Variants in GRB10 observed in about 807,000 individuals in gnomAD.
GRB10 encodes growth factor receptor bound protein 10.
Under a neutral mutation model 80.9 loss-of-function variants are expected in GRB10, and 20 were observed. That is an observed-to-expected ratio of 0.25 (90% CI 0.17 to 0.36). The LOEUF is 0.36. Ranked by LOEUF, GRB10 falls within the 10% of genes least tolerant of loss-of-function variation. The pLI is 1.00. For synonymous variants in GRB10, 291 were observed against 291.5 expected, an observed-to-expected ratio of 1.00 and a Z score of 0.02; for missense variants, 548 against 747.7, an observed-to-expected ratio of 0.73 and a Z score of 3.12.
chr7:50,792,461 A>G (rs1269342343), intron 1 of GRB10: 2 of 398,378 alleles, frequency 5.0e-6, no homozygotes, highest in Non-Finnish European at 8.8e-6. Flanking sequence ...CATAACGCAC[A>G]TGCTCCAAGG....
At chr7:50,787,120 A>G (rs1336567638), upstream of GRB10, among the ~76,000 whole-genome samples, 1 of 152,244 alleles carries the variant, frequency 6.6e-6, no homozygotes, top group Non-Finnish European at 1.5e-5. Flanking sequence ...GACCATCCCA[A>G]CACTGCATAC....
intron 4 of GRB10, among the ~76,000 whole-genome samples, chr7:50,725,661 G>C (rs1245953135): frequency 1.3e-5 from 2 of 152,190 alleles, no homozygotes; most frequent in Non-Finnish European, 2.9e-5. Context: ...GAACTTTCAT[G>C]GGATGGAAAA....
At chr7:50,627,081 C>T in intron 7 of GRB10, 103 bp from the exon 8 acceptor site, 2 of 1,190,160 alleles carry the variant, frequency 1.7e-6, no homozygotes, top group South Asian at 1.2e-5. Flanking sequence ...AGTAGTGCTC[C>T]AACACATGGG....
chr7:50,606,461 G>T, intron 13 of GRB10, 47 bp from the exon 14 acceptor site: 2 of 1,422,146 alleles, frequency 1.4e-6, no homozygotes, highest in African/African-American at 1.4e-5. Context: ...GAGCCCCGAG[G>T]CCCGGCATGT....
intron 1 of GRB10, among the ~76,000 whole-genome samples, chr7:50,791,111 G>A (rs1390777529): frequency 6.6e-6 from 1 of 152,198 alleles, no homozygotes; most frequent in Non-Finnish European, 1.5e-5. Flanking sequence ...GTGGGCCAAC[G>A]CTGCCCCAAA....
intron 5 of GRB10, among the ~76,000 whole-genome samples, chr7:50,684,932 T>C (rs1325059534): frequency 2.6e-5 from 4 of 152,208 alleles, no homozygotes; most frequent in Admixed American, 6.5e-5. Flanking sequence ...GTTCTCATTT[T>C]CCATGAACCC....
intron 18 of GRB10, among the ~76,000 whole-genome samples, chr7:50,593,879 G>C (rs547002888): frequency 1.2e-3 from 179 of 152,274 alleles, no homozygotes; most frequent in African/African-American, 3.8e-3. Flanking sequence ...TTCACACACA[G>C]AGGCTGCACA....
At chr7:50,691,523 T>C (rs948521897) in intron 5 of GRB10, among the ~76,000 whole-genome samples, 3 of 152,238 alleles carry the variant, frequency 2.0e-5, no homozygotes, top group Admixed American at 1.3e-4. Context: ...AGGAACCTAC[T>C]ACTATAGCTG....
rs2045814017 is a variant in GRB10, at chr7:50,591,246, A to G, written c.*1706T>C. Reference sequence around the variant, plus strand: ...TGTATACCTTTCATGGAAAACAACTAGAGTGTGGTCTGTAGACTGACATAC... The same window carrying G: ...TGTATACCTTTCATGGAAAACAACTGGAGTGTGGTCTGTAGACTGACATAC... On this transcript the variant is annotated 3_prime_UTR_variant, in exon 19 of 19. Transcript: ENST00000401949. 6.6e-6 allele frequency: 1 copy of G among 152,270 alleles called. No individual in the cohort carries two copies. The highest frequency in any genetic ancestry group is 1.5e-5 in the Non-Finnish European group (1 of 68,044). The allele number at this position is 152,270 out of a possible 1,614,324, so 9.4% of individuals were successfully genotyped here.
At chr7:50,687,997 A>C (rs949037002) in intron 5 of GRB10, among the ~76,000 whole-genome samples, 1 of 152,262 alleles carries the variant, frequency 6.6e-6, no homozygotes, top group Admixed American at 6.5e-5. Flanking sequence ...AGAGTGGTTC[A>C]GATTGAGAAA....
intron 5 of GRB10, among the ~76,000 whole-genome samples, chr7:50,678,918 A>G (rs973233718): frequency 3.3e-5 from 5 of 152,258 alleles, no homozygotes; most frequent in African/African-American, 1.2e-4. Flanking sequence ...TGCTTCTCGC[A>G]GTGAATATTC....
chr7:50,610,860 T>C (rs2049380913), intron 13 of GRB10, among the ~76,000 whole-genome samples: 1 of 152,220 alleles, frequency 6.6e-6, no homozygotes, highest in South Asian at 2.1e-4. Context: ...TGGCTCGTTA[T>C]GTTAGCGCAA....
At chr7:50,653,919 A>G (rs999281687) in intron 7 of GRB10, among the ~76,000 whole-genome samples, 2 of 152,200 alleles carry the variant, frequency 1.3e-5, no homozygotes, top group African/African-American at 4.8e-5. Context: ...ACACTAATAT[A>G]AATCCAGCTA....
In GRB10 at chr7:50,606,408, T is replaced by G; in HGVS notation, c.1201A>C (p.Met401Leu). The change falls in exon 14 of 19, where the codon ATG (methionine) becomes CTG (leucine). Residue 401 changes from methionine (M) to leucine (L), a missense_variant. Coordinates refer to ENST00000401949, the MANE Select transcript of GRB10 (RefSeq NM_001350814.2). ...MTAFRLLKYG[M>L]LLYQNYRIPQ... The stretch of plus-strand genomic sequence containing the variant: ...ATTCGGTAATTCTGGTAAAGGAGCA[T>G]TCCATACTGGAGAGGAGAAGCCACA... 6.2e-7 allele frequency: 1 copy of G among 1,613,742 alleles called. No homozygotes were observed. The highest frequency in any genetic ancestry group is 8.5e-7 in the Non-Finnish European group (1 of 1,179,648).
intron 7 of GRB10, among the ~76,000 whole-genome samples, chr7:50,660,676 G>A (rs1180161536): frequency 2.0e-5 from 3 of 152,328 alleles, no homozygotes; most frequent in East Asian, 3.9e-4. Context: ...GAGCCACGCA[G>A]TAGCAGAAGG....
chr7:50,733,747 T>C (rs1437218347), intron 3 of GRB10, among the ~76,000 whole-genome samples: 2 of 152,336 alleles, frequency 1.3e-5, no homozygotes, highest in East Asian at 3.9e-4. Flanking sequence ...GTGTTACACG[T>C]CAACAGTCCA....
Position 50,669,585 on chromosome 7 carries a change from A to G in GRB10, c.504+137T>C, listed in dbSNP as rs993829090. ...GCCTCATAGGACAACAAGTACTGTGACAACAAGAAAAGAACTGAGAGAGAA... is the reference window on the plus strand; with the variant it reads ...GCCTCATAGGACAACAAGTACTGTGGCAACAAGAAAAGAACTGAGAGAGAA... On this transcript the variant is annotated intron_variant, in intron 7 of 18. Coordinates refer to ENST00000401949, the MANE Select transcript of GRB10 (RefSeq NM_001350814.2). 1.2e-5 allele frequency: 10 copies of G among 837,354 alleles called. No homozygotes were observed. The African/African-American group carries it at 1.7e-4, about 14-fold the overall frequency. 51.9% of individuals were successfully genotyped at this position (837,354 alleles called of 1,614,324 possible). A position where few individuals can be genotyped will look rare whatever the true frequency, so the allele number is the denominator to read the frequency against.
chr7:50,772,327 C>A (rs141961900), intron 2 of GRB10, among the ~76,000 whole-genome samples: 2 of 152,336 alleles, frequency 1.3e-5, no homozygotes, highest in East Asian at 3.9e-4. Context: ...AACTCCCCAG[C>A]CACCTCGTTC....
chr7:50,662,536 T>G (rs571728071), intron 7 of GRB10, among the ~76,000 whole-genome samples: 62 of 152,294 alleles, frequency 4.1e-4, no homozygotes, highest in African/African-American at 1.5e-3. Context: ...AGCAGAGTGC[T>G]GACCTCAGAG....
Sources: gnomAD v4.1 joint callset for allele counts (sites outside exome capture counted in the v4.1 genomes callset) on GRCh38, gnomAD v4.1.1 for gene constraint, MANE v1.5 for transcripts, NCBI Gene and HGNC (gene_info 2026-07-23, HGNC 2026-07-21) for gene names.